Variants in ARHGAP21 observed in about 807,000 individuals in gnomAD.
ARHGAP21 encodes rho GTPase-activating protein 21.
A neutral mutation model predicts 164.6 loss-of-function variants in ARHGAP21; 38 were observed. That is an observed-to-expected ratio of 0.23 (90% CI 0.18 to 0.30). ARHGAP21 has a LOEUF of 0.30. ARHGAP21 is among the 10% of genes least tolerant of loss of function. ARHGAP21 has a pLI of 1.00. For synonymous variants in ARHGAP21, 766 were observed against 857.9 expected (o/e 0.89, Z 1.87); for missense variants, 1,822 against 2,370.7 (o/e 0.77, Z 4.81).
At chr10:24,652,522 A>G (rs997753930) in intron 4 of ARHGAP21, among the ~76,000 whole-genome samples, 6 of 152,210 alleles carry the variant, frequency 3.9e-5, no homozygotes, top group Admixed American at 3.9e-4. Context: ...TATAGAAATT[A>G]CTAATACGAA....
intron 4 of ARHGAP21, among the ~76,000 whole-genome samples, chr10:24,655,127 G>T (rs1285922064): frequency 6.6e-6 from 1 of 152,192 alleles, no homozygotes; most frequent in East Asian, 1.9e-4. Flanking sequence ...ATTCAACATG[G>T]ATTAAAGACT....
At chr10:24,604,598 CTTT>C (rs556060812) in intron 11 of ARHGAP21, among the ~76,000 whole-genome samples, 10 of 151,658 alleles carry the variant, frequency 6.6e-5, no homozygotes, top group African/African-American at 2.2e-4. Context: ...GTGGGATTTT[CTTT>C]TTTTTATCAA....
At chr10:24,633,856 C>CTCT (rs925698672) in intron 5 of ARHGAP21, among the ~76,000 whole-genome samples, 9 of 144,138 alleles carry the variant, frequency 6.2e-5, no homozygotes, top group African/African-American at 7.6e-5. Context: ...AACTAATTAT[C>CTCT]TCTCCACGTA....
chr10:24,664,561 AAAAAATAATAAT>A (rs1429361299), intron 4 of ARHGAP21, among the ~76,000 whole-genome samples: 1 of 150,626 alleles, frequency 6.6e-6, no homozygotes, highest in Non-Finnish European at 1.5e-5. Context: ...TCTCAAAAAA[AAAAAATAATAAT>A]AATAATAATA....
chr10:24,660,155 A>T (rs967662747), intron 4 of ARHGAP21, among the ~76,000 whole-genome samples: 5 of 152,112 alleles, frequency 3.3e-5, no homozygotes, highest in Non-Finnish European at 7.3e-5. Context: ...AAAAGTTCAT[A>T]AAAAACATAC....
intron 2 of ARHGAP21, among the ~76,000 whole-genome samples, chr10:24,694,800 C>T (rs1267458057): frequency 6.6e-6 from 1 of 152,020 alleles, no homozygotes; most frequent in African/African-American, 2.4e-5. Context: ...GCCTGTAATC[C>T]CAGCACTTTG....
chr10:24,586,698 A>C (rs1318109932), intron 25 of ARHGAP21, among the ~76,000 whole-genome samples: 1 of 152,226 alleles, frequency 6.6e-6, no homozygotes, highest in Non-Finnish European at 1.5e-5. Context: ...ATCTGCCTTA[A>C]GTAAATCAGG....
intron 2 of ARHGAP21, among the ~76,000 whole-genome samples, chr10:24,720,636 G>A (rs1317298089): frequency 6.6e-6 from 1 of 152,208 alleles, no homozygotes; most frequent in African/African-American, 2.4e-5. Flanking sequence ...CATGAAGTAA[G>A]CTGCATGAAG....
intron 4 of ARHGAP21, among the ~76,000 whole-genome samples, chr10:24,651,401 G>GTCC (rs375455414): frequency 6.6e-6 from 1 of 152,186 alleles, no homozygotes; most frequent in Non-Finnish European, 1.5e-5. Context: ...GTTTTCCCCT[G>GTCC]TCCTCTCTTG....
chr10:24,715,565 T>C (rs1427564493), intron 2 of ARHGAP21, among the ~76,000 whole-genome samples: 2 of 152,184 alleles, frequency 1.3e-5, no homozygotes, highest in Non-Finnish European at 2.9e-5. Context: ...TGTTACTTGG[T>C]TACCAGCTTC....
chr10:24,666,604 T>C (rs1456934245), intron 4 of ARHGAP21, among the ~76,000 whole-genome samples: 1 of 152,092 alleles, frequency 6.6e-6, no homozygotes, highest in Non-Finnish European at 1.5e-5. Context: ...CAAACCCTCT[T>C]CTTTTCAATA....
chr10:24,619,932 A>C lies in ARHGAP21; in HGVS notation c.1963T>G (p.Leu655Val). The C allele has an allele frequency of 6.2e-7, 1 of 1,614,124 alleles. No homozygotes were observed. The highest frequency in any genetic ancestry group is 8.5e-7 in the Non-Finnish European group (1 of 1,180,018). The change falls in exon 9 of 26, where the codon TTG becomes GTG. Residue 655 changes from leucine to valine, a missense_variant. By Grantham distance (32) the Leu-to-Val change is conservative (BLOSUM62 1). Coordinates refer to ENST00000396432, the MANE Select transcript of ARHGAP21 (RefSeq NM_020824.4). ...TGATTCAACAGACTGTTCTGATGCA[A>C]GTGATTTACTGGTCTTTGGTCTTTG... The part of the protein sequence containing the change: ...SIKDQRPVNH[L>V]HQNSLLNQQT...
chr10:24,628,904 T>C (rs1173933576), intron 7 of ARHGAP21: 2 of 79,360 alleles, frequency 2.5e-5, no homozygotes, highest in Non-Finnish European at 5.2e-5. Flanking sequence ...CATACATATA[T>C]ACACATATAT....
chr10:24,591,307 T>C lies in ARHGAP21; in HGVS notation c.4068A>G (p.Thr1356=), dbSNP rs1008008268. Reference sequence around the variant, plus strand: ...TGTTTGGCACTGGCTGGGAGTCTACTGTGCTTTCCTCCTGCACTGTTGTCT... The same window carrying C: ...TGTTTGGCACTGGCTGGGAGTCTACCGTGCTTTCCTCCTGCACTGTTGTCT... ...EPLTTVQEES[T]VDSQPVPNID... The change falls in exon 24 of 26, where the codon ACA becomes ACG. Residue 1356 remains threonine (T), a synonymous_variant. Transcript: ENST00000396432. The C allele has an allele frequency of 1.2e-6, 2 of 1,613,142 alleles. No individual in the cohort carries two copies.
At chr10:24,686,427 CAAATAAAT>C (rs879279972) in intron 2 of ARHGAP21, among the ~76,000 whole-genome samples, 2 of 151,674 alleles carry the variant, frequency 1.3e-5, no homozygotes, top group Non-Finnish European at 2.9e-5. Flanking sequence ...GACCCTATCT[CAAATAAAT>C]AAATAAATAA....
At chr10:24,670,053 G>T (rs1156715247) in intron 3 of ARHGAP21, among the ~76,000 whole-genome samples, 165 bp downstream of exon 3, 1 of 151,998 alleles carries the variant, frequency 6.6e-6, no homozygotes, top group East Asian at 1.9e-4. Flanking sequence ...CTTGAAGGTG[G>T]GAAAATACCT....
chr10:24,647,702 C>G (rs915536799), intron 4 of ARHGAP21, among the ~76,000 whole-genome samples: 1 of 152,170 alleles, frequency 6.6e-6, no homozygotes, highest in African/African-American at 2.4e-5. Flanking sequence ...CAGGTACTTA[C>G]TAGGCACTGA....
intron 2 of ARHGAP21, among the ~76,000 whole-genome samples, chr10:24,709,422 G>A (rs1355189060): frequency 6.6e-6 from 1 of 152,048 alleles, no homozygotes; most frequent in Non-Finnish European, 1.5e-5. Flanking sequence ...ATTCTATGAG[G>A]CCAGTATCAC....
rs749657239 is a variant in ARHGAP21 at position 24,620,355 on chromosome 10, G to A, written c.1540C>T (p.Pro514Ser). The change falls in exon 9 of 26, where the codon CCA becomes TCA. Residue 514 changes from proline to serine, a missense_variant. This residue lies in a region of ARHGAP21 where 1,090 missense variants were observed against 1,378.9 expected (regional missense o/e 0.79). Coordinates refer to ENST00000396432, the MANE Select transcript of ARHGAP21 (RefSeq NM_020824.4). ...TTCTCTCCATTGGAATCAGGTATTG[G>A]AGTTCCAGAATTGACATTTTCTAAG... The part of the protein sequence containing the change: ...ETLENVNSGT[P>S]IPDSNGEKKQ... 29 of 1,613,690 alleles carry A rather than the reference G, an allele frequency of 1.8e-5. No homozygotes were observed. Among genetic ancestry groups the A allele is most frequent in the Middle Eastern group, 1.6e-4 (1 of 6,078 alleles).
Sources: gnomAD v4.1 joint callset for allele counts (sites outside exome capture counted in the v4.1 genomes callset) on GRCh38, gnomAD v4.1.1 for gene constraint, gnomAD v4.1.1 regional missense constraint, MANE v1.5 for transcripts, NCBI Gene and HGNC (gene_info 2026-07-23, HGNC 2026-07-21) for gene names.